Variants in GTF2H1 observed in about 807,000 individuals in gnomAD.
The protein encoded by GTF2H1 is general transcription factor IIH subunit 1, also known as BTF2 p62.
In GTF2H1, 16 loss-of-function variants were observed where a neutral mutation model predicts 71.2. The ratio of observed to expected loss-of-function variants is 0.22; its 90% CI spans 0.15 to 0.34. The LOEUF (loss-of-function observed/expected upper bound fraction) is 0.34, where lower values mean the gene tolerates loss of function less well. Ranked by LOEUF, GTF2H1 falls within the 10% of genes least tolerant of loss-of-function variation. GTF2H1 has a pLI of 1.00. For synonymous variants in GTF2H1, 215 were observed against 219.0 expected (o/e 0.98, Z 0.16); for missense variants, 498 against 648.2 (o/e 0.77, Z 2.52).
At chr11:18,350,087 A>G (rs1661071553) in intron 9 of GTF2H1, among the ~76,000 whole-genome samples, 1 of 152,238 alleles carries the variant, frequency 6.6e-6, no homozygotes, top group Non-Finnish European at 1.5e-5. Context: ...GGCTATCAGT[A>G]TTCAGTGGTA....
At chr11:18,343,545 C>A (rs1865212427) in intron 7 of GTF2H1, among the ~76,000 whole-genome samples, 1 of 151,994 alleles carries the variant, frequency 6.6e-6, no homozygotes, top group Admixed American at 6.6e-5. Context: ...CTCTCTATTC[C>A]ATTGCTTTAC....
At chr11:18,326,393 G>A (rs1174533329) in intron 1 of GTF2H1, among the ~76,000 whole-genome samples, 2 of 151,904 alleles carry the variant, frequency 1.3e-5, no homozygotes, top group Admixed American at 6.6e-5. Flanking sequence ...GTGGTGGTGC[G>A]TGCCTGTAAT....
At chr11:18,333,463 C>A in intron 2 of GTF2H1, 1 of 320,092 alleles carries the variant, frequency 3.1e-6, no homozygotes, top group Admixed American at 4.8e-5. Context: ...TCTCCACACA[C>A]TTTAAGAGTT....
At chr11:18,333,854 T>C (rs531640368) in intron 2 of GTF2H1, among the ~76,000 whole-genome samples, 2 of 152,338 alleles carry the variant, frequency 1.3e-5, no homozygotes, top group East Asian at 3.9e-4. Context: ...TTGTACCAGT[T>C]AGGCAAGTTG....
intron 3 of GTF2H1, among the ~76,000 whole-genome samples, chr11:18,336,452 A>G (rs1459813870): frequency 6.6e-6 from 1 of 152,006 alleles, no homozygotes; most frequent in African/African-American, 2.4e-5. Flanking sequence ...TTGCTATGAT[A>G]CTGTAATGTA....
At chr11:18,356,795 T>G (rs950087559) in intron 11 of GTF2H1, among the ~76,000 whole-genome samples, 25 of 150,616 alleles carry the variant, frequency 1.7e-4, no homozygotes, top group Non-Finnish European at 3.1e-4. Context: ...TTGTTTTTTT[T>G]TTTTTTTTTT....
chr11:18,360,151 TCTCA>T (rs1865661694), intron 13 of GTF2H1, among the ~76,000 whole-genome samples: 1 of 150,558 alleles, frequency 6.6e-6, no homozygotes, highest in South Asian at 2.1e-4. Context: ...TGAGATGGAG[TCTCA>T]CTCTGTCGGC....
At chr11:18,358,782 C>A (rs1419016392) in intron 13 of GTF2H1, 142 bp downstream of exon 13, 2 of 594,760 alleles carry the variant, frequency 3.4e-6, no homozygotes, top group East Asian at 5.7e-5. Context: ...GTAAACCTCA[C>A]AGCATCTTTA....
intron 11 of GTF2H1, among the ~76,000 whole-genome samples, chr11:18,356,604 T>C (rs1006495281): frequency 3.3e-5 from 5 of 151,938 alleles, no homozygotes; most frequent in Admixed American, 2.0e-4. Context: ...TTTGTTTGAT[T>C]TAGAGGTGAG....
At chr11:18,352,711 C>T (rs1365021926) in intron 11 of GTF2H1, among the ~76,000 whole-genome samples, 1 of 152,136 alleles carries the variant, frequency 6.6e-6, no homozygotes, top group Non-Finnish European at 1.5e-5. Context: ...GAAAATCTCC[C>T]AGGTTTCCAA....
At chr11:18,323,387 C>G (rs758141405) in intron 1 of GTF2H1, among the ~76,000 whole-genome samples, 5 of 151,946 alleles carry the variant, frequency 3.3e-5, no homozygotes, top group Non-Finnish European at 7.4e-5. Context: ...ACCTCGAATT[C>G]CTGGGCTCAA....
intron 7 of GTF2H1, among the ~76,000 whole-genome samples, chr11:18,344,489 C>T (rs1000071869): frequency 2.6e-5 from 4 of 151,820 alleles, no homozygotes; most frequent in Admixed American, 6.6e-5. Flanking sequence ...CCTGGCGGCA[C>T]ATGCCTGTAA....
chr11:18,326,586 A>T (rs1864772758), intron 1 of GTF2H1, among the ~76,000 whole-genome samples: 1 of 151,632 alleles, frequency 6.6e-6, no homozygotes, highest in African/African-American at 2.4e-5. Flanking sequence ...TGTATTCTCC[A>T]CTTTGCAGTT....
Position 18,341,241 on chromosome 11 carries a change from T to C in GTF2H1, c.608-20T>C. On this transcript the variant is annotated intron_variant, in intron 5 of 14. Coordinates refer to ENST00000265963, the MANE Select transcript of GTF2H1 (RefSeq NM_005316.4). The stretch of plus-strand genomic sequence containing the variant: ...AAAATGGAAATTCAGTATATAATAT[T>C]TGTGGGTTTTTTTCCACAGTAAAAA... 1 of 1,595,456 alleles carries C rather than the reference T, an allele frequency of 6.3e-7. No individual in the cohort carries two copies. The highest frequency in any genetic ancestry group is 8.5e-7 in the Non-Finnish European group (1 of 1,169,764).
chr11:18,336,071 T>C (rs1402308257), intron 3 of GTF2H1, 125 bp downstream of exon 3: 1 of 626,684 alleles, frequency 1.6e-6, no homozygotes, highest in African/African-American at 1.9e-5. Context: ...GTTGTTGTCG[T>C]TTTTGTTTTT....
chr11:18,340,497 A>C (rs1230997309), intron 5 of GTF2H1, among the ~76,000 whole-genome samples: 3 of 152,170 alleles, frequency 2.0e-5, no homozygotes. Flanking sequence ...CCTGTTGGCC[A>C]GGCTGGTCTT....
Position 18,363,429 on chromosome 11 carries a change from A to G in GTF2H1, c.1561-2354A>G, listed in dbSNP as rs116892856. ...TAATGTGCTGCTGTATGATGTTACG[A>G]CATCACTAGATGATGGGAATTTCTC... On this transcript the variant is annotated intron_variant, in intron 14 of 14. Coordinates refer to ENST00000265963, the MANE Select transcript of GTF2H1 (RefSeq NM_005316.4). Among the ~76,000 whole-genome samples, 222 of 152,260 alleles carry G rather than the reference A, an allele frequency of 1.5e-3. 2 individuals are homozygous for G. In the East Asian group the frequency reaches 0.023, roughly 16 times the overall value.
intron 7 of GTF2H1, 70 bp downstream of exon 7, chr11:18,341,677 A>G: frequency 1.1e-6 from 1 of 918,334 alleles, no homozygotes; most frequent in Non-Finnish European, 1.7e-6. Flanking sequence ...TCTTAAGCGT[A>G]GTAGACCTAT....
Position 18,366,016 on chromosome 11 carries a change from T to C in GTF2H1, c.*147T>C, listed in dbSNP as rs990590951. On this transcript the variant is annotated 3_prime_UTR_variant, in exon 15 of 15. Transcript: ENST00000265963. ...ACGCCAACTCCCAGAGCTGATGCTATTGTACTTGCACATTGGAGACTGAAA... is the reference window on the plus strand; with the variant it reads ...ACGCCAACTCCCAGAGCTGATGCTACTGTACTTGCACATTGGAGACTGAAA... 8 of 623,794 alleles carry C rather than the reference T, an allele frequency of 1.3e-5. No homozygotes were observed. Among genetic ancestry groups the C allele is most frequent in the Non-Finnish European group, 2.3e-5 (8 of 348,822 alleles). 38.6% of individuals were successfully genotyped at this position (623,794 alleles called of 1,614,324 possible).
Sources: allele counts gnomAD v4.1 joint callset (sites outside exome capture counted in the v4.1 genomes callset), GRCh38; gene constraint gnomAD v4.1.1; transcripts MANE v1.5; gene names NCBI Gene and HGNC (gene_info 2026-07-23, HGNC 2026-07-21).